The following CELF4 variants were observed in gnomAD, a reference collection of about 807,000 sequenced individuals.
The protein encoded by CELF4 is CUG-BP- and ETR-3-like factor 4.
A neutral mutation model predicts 59.9 loss-of-function variants in CELF4; 18 were observed. The observed-to-expected ratio is 0.30, with a 90% CI of 0.21 to 0.45. The LOEUF is 0.45. CELF4 is among the 20% of genes least tolerant of loss of function. The pLI, the probability that CELF4 is intolerant of heterozygous loss-of-function variation, is 1.00. For missense variants in CELF4, 456 were observed against 689.0 expected (o/e 0.66, Z 3.79); for synonymous variants, 261 against 267.1 (o/e 0.98, Z 0.22).
At position 37,383,613 on chromosome 18, in the gene CELF4, C is replaced by G. The variant is rs566110444; in HGVS notation, c.370-61732G>C. On this transcript the variant is annotated intron_variant, in intron 2 of 12. Transcript: ENST00000420428. ...AGCCCCAGGAATTTTTCCTCCCATG[C>G]CAAATGCCATGTGGCATCTGTAAAC... Among the ~76,000 whole-genome samples, 8 of 152,336 alleles carry G rather than the reference C, an allele frequency of 5.3e-5. No individual in the cohort carries two copies. The East Asian group carries it at 1.5e-3, about 29-fold the overall frequency.
intron 11 of CELF4, among the ~76,000 whole-genome samples, chr18:37,255,729 G>A (rs2068870608): frequency 6.6e-6 from 1 of 152,148 alleles, no homozygotes; most frequent in African/African-American, 2.4e-5. Context: ...AAGGTGGCTG[G>A]ACAAAAGCCT....
chr18:37,522,879 T>C (rs373169644), intron 1 of CELF4, among the ~76,000 whole-genome samples: 42 of 152,202 alleles, frequency 2.8e-4, no homozygotes, highest in African/African-American at 9.9e-4. Flanking sequence ...TCCCTACCCA[T>C]CCACCCTCTC....
chr18:37,270,733 T>A (rs1400673989), intron 8 of CELF4, 35 bp downstream of exon 8: 2 of 1,612,742 alleles, frequency 1.2e-6, no homozygotes, highest in Admixed American at 3.3e-5. Context: ...AAGAATGTGC[T>A]GCATACGGAA....
At chr18:37,263,790 T>C (rs560966992) in intron 10 of CELF4, among the ~76,000 whole-genome samples, 3 of 151,718 alleles carry the variant, frequency 2.0e-5, no homozygotes, top group Admixed American at 6.6e-5. Flanking sequence ...TACTGGGGCA[T>C]TCTCATCTCT....
At chr18:37,495,287 A>G (rs72891035) in intron 1 of CELF4, among the ~76,000 whole-genome samples, 4,187 of 152,214 alleles carry the variant, frequency 0.028, 80 homozygotes, top group Non-Finnish European at 0.045. Context: ...ATTACGTGAT[A>G]TGGGCGACAG....
At chr18:37,378,159 T>C (rs1479677993) in intron 2 of CELF4, among the ~76,000 whole-genome samples, 1 of 152,162 alleles carries the variant, frequency 6.6e-6, no homozygotes, top group African/African-American at 2.4e-5. Flanking sequence ...TCTTTCCCCA[T>C]GGTGGACCCC....
intron 2 of CELF4, among the ~76,000 whole-genome samples, chr18:37,420,057 A>G (rs934549960): frequency 1.4e-4 from 22 of 152,190 alleles, no homozygotes; most frequent in African/African-American, 5.1e-4. Flanking sequence ...CCCTGCTGGG[A>G]GGCTTGGGGG....
In CELF4 at chr18:37,279,015, C is replaced by G. The variant is rs182535348; in HGVS notation, c.449-3772G>C. On this transcript the variant is annotated intron_variant, in intron 3 of 12. Coordinates refer to ENST00000420428, the MANE Select transcript of CELF4 (RefSeq NM_020180.4). Reference sequence around the variant, plus strand: ...AGAGTCTTGGAGAATGACTCTGTTTCCCCAGCCCGTGCCCACCCTCCTCCT... The same window carrying G: ...AGAGTCTTGGAGAATGACTCTGTTTGCCCAGCCCGTGCCCACCCTCCTCCT... Among the ~76,000 whole-genome samples, 6 of 152,268 alleles carry G rather than the reference C, an allele frequency of 3.9e-5. No individual in the cohort carries two copies. In the East Asian group the frequency reaches 1.2e-3, roughly 29 times the overall value.
In CELF4 at chr18:37,253,976, G is replaced by C. The variant is rs368394640; in HGVS notation, c.1334-38C>G. Reference sequence around the variant, plus strand: ...GAGGGACGAGGGCCTGGGTTTCCACGGGGCCGCCCGGGGCGCTGCCGGCGG... The same window carrying C: ...GAGGGACGAGGGCCTGGGTTTCCACCGGGCCGCCCGGGGCGCTGCCGGCGG... On this transcript the variant is annotated intron_variant, in intron 11 of 12. Coordinates refer to ENST00000420428, the MANE Select transcript of CELF4 (RefSeq NM_020180.4). The surrounding 1 kb of genome is among the most constrained non-coding windows in gnomAD (Gnocchi z 4.5). 1.2e-5 allele frequency: 19 copies of C among 1,555,738 alleles called. No homozygotes were observed. The highest frequency in any genetic ancestry group is 3.6e-5 in the Admixed American group (2 of 55,886).
At chr18:37,276,710 A>C (rs1300460362) in intron 3 of CELF4, 1 of 152,212 alleles carries the variant, frequency 6.6e-6, no homozygotes, top group Non-Finnish European at 1.5e-5. Context: ...TTCCTGACCC[A>C]TGGAATCCAT....
chr18:37,301,078 A>C (rs953363919), intron 3 of CELF4, among the ~76,000 whole-genome samples: 3 of 152,184 alleles, frequency 2.0e-5, no homozygotes, highest in Non-Finnish European at 4.4e-5. Context: ...AGGAGGAGGC[A>C]GGCAGATAGA....
At chr18:37,518,551 C>A (rs1191259949) in intron 1 of CELF4, among the ~76,000 whole-genome samples, 1 of 152,154 alleles carries the variant, frequency 6.6e-6, no homozygotes, top group Non-Finnish European at 1.5e-5. Flanking sequence ...TTCTAAGAAC[C>A]CATGTGCTCA....
At chr18:37,373,774 C>T (rs1205661297) in intron 2 of CELF4, among the ~76,000 whole-genome samples, 3 of 152,158 alleles carry the variant, frequency 2.0e-5, no homozygotes, top group African/African-American at 7.2e-5. Context: ...GGGCATCATG[C>T]CAGCAATGTG....
intron 2 of CELF4, among the ~76,000 whole-genome samples, chr18:37,355,060 C>T (rs2098540797): frequency 6.6e-6 from 1 of 152,164 alleles, no homozygotes; most frequent in Non-Finnish European, 1.5e-5. Flanking sequence ...TATGTGTACA[C>T]GCATGTGCAT....
At chr18:37,545,036 A>G (rs750040905) in intron 1 of CELF4, among the ~76,000 whole-genome samples, 63 of 152,138 alleles carry the variant, frequency 4.1e-4, no homozygotes, top group Non-Finnish European at 4.9e-4. Context: ...TGAGGTCAGG[A>G]GCTTCGTTTC....
At position 37,244,437 on chromosome 18, in the gene CELF4, T is replaced by C. The variant is rs541952258; in HGVS notation, c.*805A>G. The C allele has an allele frequency of 4.6e-5, 7 of 152,628 alleles. No individual in the cohort carries two copies. The East Asian group carries it at 5.8e-4, about 13-fold the overall frequency. 9.5% of individuals were successfully genotyped at this position (152,628 alleles called of 1,614,324 possible). On this transcript the variant is annotated 3_prime_UTR_variant, in exon 13 of 13. Transcript: ENST00000420428. ...ATCTTTTAACAGCTCCATCCAGACA[T>C]AGAATACAGAAAACCATAGGAAAGT...
intron 1 of CELF4, among the ~76,000 whole-genome samples, chr18:37,527,501 G>A (rs2099965247): frequency 6.6e-6 from 1 of 152,086 alleles, no homozygotes; most frequent in Non-Finnish European, 1.5e-5. Context: ...ATAGTAAACT[G>A]AACTGATGTT....
At chr18:37,386,945 A>C (rs1334250565) in intron 2 of CELF4, among the ~76,000 whole-genome samples, 2 of 152,218 alleles carry the variant, frequency 1.3e-5, no homozygotes, top group East Asian at 3.9e-4. Flanking sequence ...CTGAAGAAGA[A>C]GCCACTGGCA....
At chr18:37,381,895 G>A (rs2099044951) in intron 2 of CELF4, among the ~76,000 whole-genome samples, 1 of 152,100 alleles carries the variant, frequency 6.6e-6, no homozygotes, top group Non-Finnish European at 1.5e-5. Flanking sequence ...ATTTACTGAT[G>A]GGCCCAGTGG....
Sources: allele counts gnomAD v4.1 joint callset (sites outside exome capture counted in the v4.1 genomes callset), GRCh38; gene constraint gnomAD v4.1.1; non-coding constraint Gnocchi (gnomAD v3.1); transcripts MANE v1.5; gene names NCBI Gene and HGNC (gene_info 2026-07-23, HGNC 2026-07-21).